SERPINH1: variants seen among roughly 807,000 people sequenced by gnomAD.
SERPINH1 encodes the protein serpin H1.
Under a neutral mutation model 32.3 loss-of-function variants are expected in SERPINH1, and 22 were observed. The ratio of observed to expected loss-of-function variants is 0.68; its 90% CI spans 0.49 to 0.97. The LOEUF (loss-of-function observed/expected upper bound fraction) is 0.97. Ranked by LOEUF, SERPINH1 falls within the 50% of genes least tolerant of loss-of-function variation. The probability of loss-of-function intolerance (pLI) is 0.00; values close to 1 mark genes in which losing one functional copy is unlikely to be tolerated. For missense variants in SERPINH1, 543 were observed against 576.4 expected, an observed-to-expected ratio of 0.94 and a Z score of 0.59; for synonymous variants, 251 against 245.9, an observed-to-expected ratio of 1.02 and a Z score of -0.19.
chr11:75,564,750 C>T (rs1262033284), intron 1 of SERPINH1, among the ~76,000 whole-genome samples: 4 of 152,246 alleles, frequency 2.6e-5, no homozygotes, highest in Non-Finnish European at 4.4e-5. Context: ...GGCCTTCCCT[C>T]CTCTCCCCAC....
intron 1 of SERPINH1, chr11:75,563,563 G>T (rs1418571313): frequency 6.6e-6 from 1 of 152,540 alleles, no homozygotes; most frequent in Non-Finnish European, 1.5e-5. Flanking sequence ...GAGGGACCTG[G>T]GGTGACCCCC....
chr11:75,567,139 C>G (rs561626272), intron 2 of SERPINH1, among the ~76,000 whole-genome samples, 168 bp downstream of exon 2: 4 of 152,324 alleles, frequency 2.6e-5, no homozygotes, highest in East Asian at 3.9e-4. Context: ...AAACTAGATT[C>G]AGAGACAGGT....
At chr11:75,571,741 C>A (rs1942197465) in intron 4 of SERPINH1, 40 bp from the exon 5 acceptor site, 5 of 1,593,074 alleles carry the variant, frequency 3.1e-6, no homozygotes, top group Non-Finnish European at 4.3e-6. Flanking sequence ...AGGAGCCTGG[C>A]AGCCATGGCC....
chr11:75,569,712 C>T (rs976587675), intron 4 of SERPINH1, among the ~76,000 whole-genome samples: 2 of 152,162 alleles, frequency 1.3e-5, no homozygotes, highest in Non-Finnish European at 2.9e-5. Flanking sequence ...TGTGAGCCAC[C>T]GTGCCCAGCC....
Position 75,568,794 on chromosome 11 carries a change from C to T in SERPINH1, c.686C>T (p.Ser229Phe). 1 of 1,613,938 alleles carries T rather than the reference C, an allele frequency of 6.2e-7. No homozygotes were observed. The highest frequency in any genetic ancestry group is 8.5e-7 in the Non-Finnish European group (1 of 1,179,932). Residue 229 changes from serine to phenylalanine, a missense_variant, in exon 3 of 5, where the codon TCC becomes TTC. Ser to Phe is a radical substitution (Grantham distance 155). Around this residue, in one of 3 missense-constraint regions of SERPINH1, gnomAD observed 427 missense variants for 446.4 expected, o/e 0.96. Transcript: ENST00000358171. The stretch of plus-strand genomic sequence containing the variant: ...AACCGTGGCTTCATGGTGACTCGGT[C>T]CTATACCGTGGGTGTCATGATGATG... The part of the protein sequence containing the change: ...VDNRGFMVTR[S>F]YTVGVMMMHR...
rs1314851609 is a variant in SERPINH1 at position 75,572,340 on chromosome 11, T to G, written c.*257T>G. On this transcript the variant is annotated 3_prime_UTR_variant, in exon 5 of 5. Transcript: ENST00000358171. ...TGTGGGACCTGGGCCATAGTCATTC[T>G]GCCTGCCCTGAAAGTCCCAGATCAA... 3 of 559,984 alleles carry G rather than the reference T, an allele frequency of 5.4e-6. No homozygotes were observed. In the East Asian group the frequency reaches 9.3e-5, roughly 17 times the overall value. 34.7% of individuals were successfully genotyped at this position (559,984 alleles called of 1,614,324 possible).
In SERPINH1 at chr11:75,567,624, G is replaced by C. The variant is rs188502226; in HGVS notation, c.622+653G>C. 1.7e-3 allele frequency among the ~76,000 whole-genome samples: 261 copies of C among 152,308 alleles called. 1 individual carries two copies. Among genetic ancestry groups the C allele is most frequent in the African/African-American group, 6.0e-3 (250 of 41,556 alleles). On this transcript the variant is annotated intron_variant, in intron 2 of 4. Transcript: ENST00000358171. Reference sequence around the variant, plus strand: ...GGTGCGAGCCACCATGTGCGGCCAAGACCCAGAATCCTTAAAGCAACCTTG... The same window carrying C: ...GGTGCGAGCCACCATGTGCGGCCAACACCCAGAATCCTTAAAGCAACCTTG...
chr11:75,566,139 G>A (rs776431826), intron 1 of SERPINH1, among the ~76,000 whole-genome samples, 177 bp from the exon 2 acceptor site: 3 of 152,226 alleles, frequency 2.0e-5, no homozygotes, highest in Non-Finnish European at 4.4e-5. Flanking sequence ...TCTTTGAGTA[G>A]GGAGGTAACA....
intron 1 of SERPINH1, among the ~76,000 whole-genome samples, chr11:75,564,795 T>G (rs886168322): frequency 1.3e-5 from 2 of 152,178 alleles, no homozygotes. Context: ...TATCTTATAC[T>G]GCACCTTCAA....
At chr11:75,563,440 T>G (rs1399731011) in intron 1 of SERPINH1, 2 of 150,584 alleles carry the variant, frequency 1.3e-5, no homozygotes, top group African/African-American at 2.4e-5. Flanking sequence ...CCAGCAGAGA[T>G]TTTTTTTTTG....
At chr11:75,563,499 G>C (rs888569943) in intron 1 of SERPINH1, 1 of 152,246 alleles carries the variant, frequency 6.6e-6, no homozygotes, top group Non-Finnish European at 1.5e-5. Flanking sequence ...GAGGGGCTCT[G>C]TGCTTCTGTG....
At position 75,572,156 on chromosome 11, in the gene SERPINH1, G is replaced by C. The variant is rs1018656928; in HGVS notation, c.*73G>C. ...AGACACATGGGTGCTATTGGGGTTG[G>C]GGGGGAGGTGAGGTACCAGCCTTGG... is the stretch of plus-strand genomic sequence containing the variant. On this transcript the variant is annotated 3_prime_UTR_variant, in exon 5 of 5. Coordinates refer to ENST00000358171, the MANE Select transcript of SERPINH1 (RefSeq NM_001235.5). 5.4e-5 allele frequency: 80 copies of C among 1,479,776 alleles called. No individual in the cohort carries two copies. The highest frequency in any genetic ancestry group is 1.6e-4 in the East Asian group (7 of 43,020). The allele number at this position is 1,479,776 out of a possible 1,614,324, so 91.7% of individuals were successfully genotyped here. A position where few individuals can be genotyped will look rare whatever the true frequency, so the allele number is the denominator to read the frequency against.
chr11:75,566,586 G>T lies in SERPINH1; in HGVS notation c.237G>T (p.Gly79=). Residue 79 remains glycine, a synonymous_variant, in exon 2 of 5, where the codon GGG becomes GGT. Transcript: ENST00000358171. ...VSPVVVASSL[G]LVSLGGKATT... ...CCGTGGTGGTGGCCTCGTCGCTAGG[G>T]CTCGTGTCGCTGGGCGGCAAGGCGA... 1 of 1,608,546 alleles carries T rather than the reference G, an allele frequency of 6.2e-7. No individual in the cohort carries two copies. The highest frequency in any genetic ancestry group is 8.5e-7 in the Non-Finnish European group (1 of 1,179,316).
At position 75,566,983 on chromosome 11, in the gene SERPINH1, G is replaced by C; in HGVS notation, c.622+12G>C. ...CATGTTCTTCAAGCGTGAGTCGGGG[G>C]CGCGTTCAGGGGTCCTCCTCCTCCT... On this transcript the variant is annotated intron_variant, in intron 2 of 4. Transcript: ENST00000358171. The C allele has an allele frequency of 1.3e-6, 2 of 1,584,248 alleles. No individual in the cohort carries two copies. The highest frequency in any genetic ancestry group is 2.2e-5 in the South Asian group (2 of 90,566).
At chr11:75,570,309 C>T (rs1391975390) in intron 4 of SERPINH1, among the ~76,000 whole-genome samples, 1 of 152,164 alleles carries the variant, frequency 6.6e-6, no homozygotes, top group Admixed American at 6.5e-5. Context: ...GGGGCTTAGG[C>T]TCCAAACCAG....
At position 75,566,250 on chromosome 11, in the gene SERPINH1, T is replaced by C. The variant is rs189348278; in HGVS notation, c.-34-66T>C. ...AGGGGACTTGTGGCAGCCAGAGAGC[T>C]GAGGGTGGTTGTTGGGGAGGAAGGC... On this transcript the variant is annotated intron_variant, in intron 1 of 4. Transcript: ENST00000358171. 2.3e-4 allele frequency: 320 copies of C among 1,406,144 alleles called. 1 individual carries two copies. The East Asian group carries it at 4.6e-3, about 20-fold the overall frequency. The allele number at this position is 1,406,144 out of a possible 1,614,324, so 87.1% of individuals were successfully genotyped here.
rs766009390 is a variant in SERPINH1, at chr11:75,566,661, C to CGAGGAGGTG, written c.313_321dup (p.Glu105_Val107dup). ...TGCTGAGCGCCGAGCAGCTGCGCGA[C>CGAGGAGGTG]GAGGAGGTGCACGCCGGCCTGGGCG... On this transcript the variant is annotated inframe_insertion, in exon 2 of 5. Coordinates refer to ENST00000358171, the MANE Select transcript of SERPINH1 (RefSeq NM_001235.5). 6.2e-7 allele frequency: 1 copy of CGAGGAGGTG among 1,607,942 alleles called. No individual in the cohort carries two copies. Among genetic ancestry groups the CGAGGAGGTG allele is most frequent in the South Asian group, 1.1e-5 (1 of 90,596 alleles).
intron 1 of SERPINH1, chr11:75,562,782 T>G (rs1315977153): frequency 6.6e-6 from 1 of 152,154 alleles, no homozygotes; most frequent in Non-Finnish European, 1.5e-5. Flanking sequence ...GGGTTGAGGC[T>G]CAGGGGCAGC....
intron 1 of SERPINH1, among the ~76,000 whole-genome samples, chr11:75,564,371 T>C (rs1188330213): frequency 6.6e-6 from 1 of 152,140 alleles, no homozygotes; most frequent in East Asian, 1.9e-4. Context: ...GTCAAGATGG[T>C]ACCTGCCACG....
Sources: gnomAD v4.1 joint callset for allele counts (sites outside exome capture counted in the v4.1 genomes callset) on GRCh38, gnomAD v4.1.1 for gene constraint, gnomAD v4.1.1 regional missense constraint, MANE v1.5 for transcripts, NCBI Gene and HGNC (gene_info 2026-07-23, HGNC 2026-07-21) for gene names.